LRBA: variants seen among roughly 807,000 people sequenced by gnomAD.
LRBA encodes the protein LPS responsive beige-like anchor protein, also known as lipopolysaccharide-responsive and beige-like anchor protein.
Under a neutral mutation model 330.0 loss-of-function variants are expected in LRBA, and 176 were observed. That is an observed-to-expected ratio of 0.53 (90% CI 0.47 to 0.60). The LOEUF is 0.60. Among genes scored for constraint, LRBA ranks in the 20% least tolerant of loss-of-function variants. The pLI, the probability that LRBA is intolerant of heterozygous loss-of-function variation, is 0.00. For synonymous variants in LRBA, 1,230 were observed against 1,193.0 expected (o/e 1.03, Z -0.64); for missense variants, 3,259 against 3,444.8 (o/e 0.95, Z 1.35).
At chr4:150,837,453 G>T (rs1748300378) in intron 28 of LRBA, among the ~76,000 whole-genome samples, 2 of 152,106 alleles carry the variant, frequency 1.3e-5, no homozygotes, top group South Asian at 4.1e-4. Context: ...GGTCTCTAAG[G>T]ACTTGCTTTA....
chr4:150,724,959 T>C (rs1293678102), intron 36 of LRBA, among the ~76,000 whole-genome samples: 1 of 150,092 alleles, frequency 6.7e-6, no homozygotes, highest in Non-Finnish European at 1.5e-5. Context: ...AAAAATGCAA[T>C]AACATGCTGA....
At position 150,559,211 on chromosome 4, in the gene LRBA, T is replaced by C. The variant is rs1470747206; in HGVS notation, c.6330+28837A>G. On this transcript the variant is annotated intron_variant, in intron 40 of 56. Coordinates refer to ENST00000651943, the MANE Select transcript of LRBA (RefSeq NM_001364905.1). Reference sequence around the variant, plus strand: ...AAGACAAAGATAGCCTGAAGAATTGTTTCAGATTTAGTCAGACTAAAGAAA... The same window carrying C: ...AAGACAAAGATAGCCTGAAGAATTGCTTCAGATTTAGTCAGACTAAAGAAA... Among the ~76,000 whole-genome samples, 4 of 152,166 alleles carry C rather than the reference T, an allele frequency of 2.6e-5. No homozygotes were observed. The East Asian group carries it at 7.7e-4, about 29-fold the overall frequency.
In LRBA at chr4:150,315,588, G is replaced by A. The variant is rs1426525814; in HGVS notation, c.7666C>T (p.Leu2556=). 2 of 1,612,204 alleles carry A rather than the reference G, an allele frequency of 1.2e-6. No individual in the cohort carries two copies. The highest frequency in any genetic ancestry group is 2.2e-5 in the South Asian group (2 of 90,874). The change falls in exon 51 of 57, where the codon CTG becomes TTG. Residue 2556 remains leucine, a synonymous_variant. Coordinates refer to ENST00000651943, the MANE Select transcript of LRBA (RefSeq NM_001364905.1). ...QGAVQDQPYQ[L]PVEIDPLIAS... ...ATGAGAGGATCGATTTCCACTGGCA[G>A]CTGGTATGGCTGGTCTTGTACAGCA...
chr4:150,759,888 A>G (rs1734839986), intron 35 of LRBA, among the ~76,000 whole-genome samples: 1 of 152,116 alleles, frequency 6.6e-6, no homozygotes, highest in African/African-American at 2.4e-5. Flanking sequence ...CTATCTTCAA[A>G]GCCAATGCTC....
chr4:150,415,433 C>G lies in LRBA; in HGVS notation c.7194+5G>C, dbSNP rs1485850488. ...GACAGACAGAGTAGATGATTATTATCTTACCAATCTGTTTATGTGAACAAA... is the reference window on the plus strand; with the variant it reads ...GACAGACAGAGTAGATGATTATTATGTTACCAATCTGTTTATGTGAACAAA... On this transcript the variant is annotated splice_donor_5th_base_variant and intron_variant, in intron 47 of 56. Coordinates refer to ENST00000651943, the MANE Select transcript of LRBA (RefSeq NM_001364905.1). 1 of 1,611,994 alleles carries G rather than the reference C, an allele frequency of 6.2e-7. No individual in the cohort carries two copies. Among genetic ancestry groups the G allele is most frequent in the East Asian group, 2.2e-5 (1 of 44,810 alleles).
chr4:150,557,110 C>G (rs754535663), intron 40 of LRBA, among the ~76,000 whole-genome samples: 1 of 152,056 alleles, frequency 6.6e-6, no homozygotes, highest in African/African-American at 2.4e-5. Flanking sequence ...GAGCCTTGAG[C>G]CTCTTGCCAT....
chr4:150,702,905 A>T (rs1049147850), intron 36 of LRBA, among the ~76,000 whole-genome samples: 1 of 152,240 alleles, frequency 6.6e-6, no homozygotes, highest in Admixed American at 6.5e-5. Context: ...CACACCTGTA[A>T]TCCCAACACT....
intron 30 of LRBA, among the ~76,000 whole-genome samples, chr4:150,827,159 G>T (rs1188628294): frequency 6.6e-6 from 1 of 152,154 alleles, no homozygotes; most frequent in African/African-American, 2.4e-5. Context: ...ATTAGATGAG[G>T]AAGACATAGA....
chr4:150,266,243 CAA>C (rs1370149674), intron 56 of LRBA, among the ~76,000 whole-genome samples: 2 of 152,182 alleles, frequency 1.3e-5, no homozygotes, highest in South Asian at 2.1e-4. Context: ...ACTCAAGTGA[CAA>C]GAGACACCAC....
intron 40 of LRBA, among the ~76,000 whole-genome samples, chr4:150,501,586 T>C (rs1035897313): frequency 1.3e-5 from 2 of 151,058 alleles, no homozygotes; most frequent in Non-Finnish European, 2.9e-5. Flanking sequence ...TACTGGGCAA[T>C]AGAGCAAGAC....
chr4:150,809,910 GATACGATA>G (rs1560850281), intron 31 of LRBA, among the ~76,000 whole-genome samples: 1 of 139,038 alleles, frequency 7.2e-6, no homozygotes, highest in East Asian at 2.0e-4. Context: ...GATACGATAC[GATACGATA>G]CGATACGATA....
rs952361388 is a variant in LRBA at position 150,359,943 on chromosome 4, G to A, written c.7195-9784C>T. On this transcript the variant is annotated intron_variant, in intron 47 of 56. Transcript: ENST00000651943. Reference sequence around the variant, plus strand: ...TGCAGTGAGCCAAGATCACACCACTGTACTCCAGCCTGGGTGACAGAGCAA... The same window carrying A: ...TGCAGTGAGCCAAGATCACACCACTATACTCCAGCCTGGGTGACAGAGCAA... Among the ~76,000 whole-genome samples the A allele has an allele frequency of 3.3e-5, 5 of 150,860 alleles. No homozygotes were observed. In the East Asian group the frequency reaches 5.9e-4, roughly 18 times the overall value.
chr4:150,902,132 A>G (rs1257840552), intron 13 of LRBA, among the ~76,000 whole-genome samples: 1 of 152,244 alleles, frequency 6.6e-6, no homozygotes, highest in Admixed American at 6.5e-5. Context: ...GAGCTATGAA[A>G]TATTATTAAT....
At chr4:150,640,289 T>C (rs1778547264) in intron 37 of LRBA, among the ~76,000 whole-genome samples, 2 of 152,284 alleles carry the variant, frequency 1.3e-5, no homozygotes, top group South Asian at 2.1e-4. Flanking sequence ...CACACATCCC[T>C]TGTAGCAGGA....
At chr4:150,756,717 T>G (rs1734363371) in intron 35 of LRBA, among the ~76,000 whole-genome samples, 2 of 152,182 alleles carry the variant, frequency 1.3e-5, no homozygotes, top group African/African-American at 4.8e-5. Context: ...AGTATAACAC[T>G]GAATCCTCAG....
intron 34 of LRBA, among the ~76,000 whole-genome samples, chr4:150,797,187 T>C (rs1445452472): frequency 6.6e-6 from 1 of 151,932 alleles, no homozygotes; most frequent in Non-Finnish European, 1.5e-5. Context: ...CTAAATAAAT[T>C]TGGCATATAG....
intron 40 of LRBA, among the ~76,000 whole-genome samples, chr4:150,505,029 T>C (rs1229167994): frequency 6.6e-6 from 1 of 152,148 alleles, no homozygotes; most frequent in African/African-American, 2.4e-5. Context: ...GAGCTAACTA[T>C]CCTAAATATA....
rs1307266786 is a variant in LRBA, at chr4:150,282,603, C to A, written c.8163G>T (p.Arg2721Ser). ...GGCAGTTTTCAGGACCCTCCAAGGT[C>A]CTCAACAAGTCTCCATTCATGGAAT... ...LIHSMNGDLLRTLEGPENCLK... is the reference protein window; with the variant it reads ...LIHSMNGDLLSTLEGPENCLK... Residue 2721 changes from arginine to serine, a missense_variant, in exon 55 of 57, where the codon AGG (arginine) becomes AGT (serine). Physicochemically the swap from Arg to Ser is moderately radical, Grantham distance 110. Coordinates refer to ENST00000651943, the MANE Select transcript of LRBA (RefSeq NM_001364905.1). 31 of 1,613,580 alleles carry A rather than the reference C, an allele frequency of 1.9e-5. No homozygotes were observed. The highest frequency in any genetic ancestry group is 2.5e-5 in the Non-Finnish European group (29 of 1,179,712).
rs538674678 is a variant in LRBA, at chr4:150,723,031, A to G, written c.5754+12227T>C. On this transcript the variant is annotated intron_variant, in intron 36 of 56. Transcript: ENST00000651943. ...CCAGCCCTAGCCAGAGGGGAATGAC[A>G]TATCCCAGGGGACAGAACATGAGTT... Among the ~76,000 whole-genome samples the G allele has an allele frequency of 1.8e-3, 273 of 152,252 alleles. 3 individuals carry two copies. Among genetic ancestry groups the G allele is most frequent in the African/African-American group, 6.3e-3 (260 of 41,566 alleles).
Sources: gnomAD v4.1 joint callset for allele counts (sites outside exome capture counted in the v4.1 genomes callset) on GRCh38, gnomAD v4.1.1 for gene constraint, MANE v1.5 for transcripts, NCBI Gene and HGNC (gene_info 2026-07-23, HGNC 2026-07-21) for gene names.